Variants in ATG4C observed in about 807,000 individuals in gnomAD.
ATG4C encodes cysteine protease ATG4C.
In ATG4C, 56 loss-of-function variants were observed where a neutral mutation model predicts 57.6. That is an observed-to-expected ratio of 0.97 (90% CI 0.78 to 1.21). The LOEUF (loss-of-function observed/expected upper bound fraction) is 1.21, where lower values mean the gene tolerates loss of function less well. Ranked by LOEUF, ATG4C falls within the 50% of genes most tolerant of loss-of-function variation. The pLI, the probability that ATG4C is intolerant of heterozygous loss-of-function variation, is 0.00. For synonymous variants in ATG4C, 157 were observed against 174.1 expected (o/e 0.90, Z 0.78); for missense variants, 595 against 529.8 (o/e 1.12, Z -1.21).
At chr1:62,829,287 G>A (rs1360194293) in intron 7 of ATG4C, 111 bp downstream of exon 7, 8 of 1,224,966 alleles carry the variant, frequency 6.5e-6, no homozygotes, top group Middle Eastern at 2.3e-4. Flanking sequence ...GTAGTTGTAC[G>A]TTGTACGTTG....
rs79978322 is a variant in ATG4C at position 62,808,894 on chromosome 1, A to G, written c.160+3639A>G. 9.3e-3 allele frequency among the ~76,000 whole-genome samples: 1,424 copies of G among 152,320 alleles called. 14 individuals are homozygous for G. Among genetic ancestry groups the G allele is most frequent in the South Asian group, 0.039 (188 of 4,832 alleles). On this transcript the variant is annotated intron_variant, in intron 3 of 10. Coordinates refer to ENST00000317868, the MANE Select transcript of ATG4C (RefSeq NM_032852.4). ...TGCTAAAACTAAATTGCATTGTTTTATAGAATGAATGGTTATGATATTGGA... is the reference window on the plus strand; with the variant it reads ...TGCTAAAACTAAATTGCATTGTTTTGTAGAATGAATGGTTATGATATTGGA...
At chr1:62,863,448 A>C (rs1354865796) in intron 10 of ATG4C, among the ~76,000 whole-genome samples, 1 of 151,960 alleles carries the variant, frequency 6.6e-6, no homozygotes, top group East Asian at 1.9e-4. Context: ...CTGTTTTTGT[A>C]CACTTGATCT....
At chr1:62,819,733 A>G (rs1478482088) in intron 5 of ATG4C, among the ~76,000 whole-genome samples, 1 of 151,992 alleles carries the variant, frequency 6.6e-6, no homozygotes, top group Non-Finnish European at 1.5e-5. Context: ...AAGAGCTAAA[A>G]TTGATATTTT....
At chr1:62,790,519 A>G (rs1470954526) in intron 1 of ATG4C, among the ~76,000 whole-genome samples, 1 of 152,226 alleles carries the variant, frequency 6.6e-6, no homozygotes, top group Non-Finnish European at 1.5e-5. Context: ...TAGTCAAAAT[A>G]GGTGTTCAAA....
rs1223396944 is a variant in ATG4C, at chr1:62,850,363, A to G, written c.1209+8816A>G. Among the ~76,000 whole-genome samples the G allele has an allele frequency of 3.9e-5, 6 of 152,314 alleles. No individual in the cohort carries two copies. The East Asian group carries it at 1.2e-3, about 29-fold the overall frequency. ...AACTGATCTCCCTTGCTCTGTCTAC[A>G]GTCTAGAATCAACATAGCCGCCAGA... is the stretch of plus-strand genomic sequence containing the variant. On this transcript the variant is annotated intron_variant, in intron 10 of 10. Transcript: ENST00000317868.
rs1927485 is a variant in ATG4C at position 62,804,929 on chromosome 1, G to T, written c.77-243G>T. 0.15 allele frequency among the ~76,000 whole-genome samples: 22,416 copies of T among 151,980 alleles called. 1,754 individuals are homozygous for T. Among genetic ancestry groups the T allele is most frequent in the South Asian group, 0.2 (943 of 4,820 alleles). ...AAAATTAAAATTTTTTCTTTCTTAT[G>T]TCCTTTAATTGGATAGTTTTTAAAG... On this transcript the variant is annotated intron_variant, in intron 2 of 10. Coordinates refer to ENST00000317868, the MANE Select transcript of ATG4C (RefSeq NM_032852.4).
At chr1:62,824,178 AC>A (rs1665572612) in intron 6 of ATG4C, among the ~76,000 whole-genome samples, 1 of 152,200 alleles carries the variant, frequency 6.6e-6, no homozygotes, top group Non-Finnish European at 1.5e-5. Context: ...TTTGGGCTAG[AC>A]AGTGTTTGAA....
rs370925735 is a variant in ATG4C, at chr1:62,819,001, A to C, written c.395-4A>C. 1 of 1,531,984 alleles carries C rather than the reference A, an allele frequency of 6.5e-7. No homozygotes were observed. Among genetic ancestry groups the C allele is most frequent in the South Asian group, 1.3e-5 (1 of 75,808 alleles). 94.9% of individuals were successfully genotyped at this position (1,531,984 alleles called of 1,614,324 possible). A position where few individuals can be genotyped will look rare whatever the true frequency, so the allele number is the denominator to read the frequency against. ...CTGAACACTTTGCTTTGGAACTACTATAGCTTGGACCTGGCCTGATGCTTT... is the reference window on the plus strand; with the variant it reads ...CTGAACACTTTGCTTTGGAACTACTCTAGCTTGGACCTGGCCTGATGCTTT... On this transcript the variant is annotated splice_polypyrimidine_tract_variant and splice_region_variant and intron_variant, in intron 4 of 10. Transcript: ENST00000317868.
In ATG4C at chr1:62,803,710, T is replaced by G. The variant is rs1474542608; in HGVS notation, c.-68-9T>G. ...AGTAATTACTGATTTTTTTCCTTAA[T>G]TTTTAAAGTCAGTATAAAAGATTAA... On this transcript the variant is annotated splice_polypyrimidine_tract_variant and intron_variant, in intron 1 of 10. Coordinates refer to ENST00000317868, the MANE Select transcript of ATG4C (RefSeq NM_032852.4). 1 of 1,010,350 alleles carries G rather than the reference T, an allele frequency of 9.9e-7. No individual in the cohort carries two copies. Among genetic ancestry groups the G allele is most frequent in the East Asian group, 2.6e-5 (1 of 38,436 alleles). The allele number at this position is 1,010,350 out of a possible 1,614,324, so 62.6% of individuals were successfully genotyped here. A position where few individuals can be genotyped will look rare whatever the true frequency, so the allele number is the denominator to read the frequency against.
chr1:62,859,751 A>C (rs369860107), intron 10 of ATG4C, among the ~76,000 whole-genome samples: 1 of 151,810 alleles, frequency 6.6e-6, no homozygotes, highest in African/African-American at 2.4e-5. Flanking sequence ...GCTGGAGTGC[A>C]GTGGTGCAAT....
intron 2 of ATG4C, 101 bp downstream of exon 2, chr1:62,803,963 G>A (rs1435736147): frequency 3.2e-6 from 2 of 630,566 alleles, no homozygotes; most frequent in East Asian, 3.2e-5. Flanking sequence ...AGAATAAATG[G>A]CATACTTTAC....
chr1:62,819,216 T>C lies in ATG4C; in HGVS notation c.606T>C (p.Ser202=). ...RNEVYHRKII[S]WFGDSPLALF... ...AAGTTTATCATAGGAAAATCATCTCTTGGTTTGGTGATTCCCCCTTGGCTC... is the reference window on the plus strand; with the variant it reads ...AAGTTTATCATAGGAAAATCATCTCCTGGTTTGGTGATTCCCCCTTGGCTC... Residue 202 remains serine (S), a synonymous_variant, in exon 5 of 11, where the codon TCT becomes TCC. Coordinates refer to ENST00000317868, the MANE Select transcript of ATG4C (RefSeq NM_032852.4). 1 of 1,613,432 alleles carries C rather than the reference T, an allele frequency of 6.2e-7. No individual in the cohort carries two copies. Among genetic ancestry groups the C allele is most frequent in the Non-Finnish European group, 8.5e-7 (1 of 1,179,608 alleles).
chr1:62,824,092 A>G (rs1300429688), intron 6 of ATG4C, among the ~76,000 whole-genome samples: 2 of 152,172 alleles, frequency 1.3e-5, no homozygotes, highest in Non-Finnish European at 2.9e-5. Flanking sequence ...CGCTGCTGTA[A>G]TGAGCCTCTG....
At chr1:62,839,716 A>G (rs1309989828) in intron 9 of ATG4C, among the ~76,000 whole-genome samples, 1 of 152,176 alleles carries the variant, frequency 6.6e-6, no homozygotes, top group Non-Finnish European at 1.5e-5. Context: ...ATGTTAGAAA[A>G]AGTCCAACTA....
chr1:62,858,127 G>A (rs540214779), intron 10 of ATG4C, among the ~76,000 whole-genome samples: 104 of 152,284 alleles, frequency 6.8e-4, no homozygotes, highest in African/African-American at 2.3e-3. Context: ...GCAATGTCAG[G>A]CTGGTGAAAA....
chr1:62,821,035 G>T, intron 5 of ATG4C, 104 bp from the exon 6 acceptor site: 1 of 785,612 alleles, frequency 1.3e-6, no homozygotes, highest in Non-Finnish European at 2.0e-6. Context: ...GAGTTAAATA[G>T]GAAAGTCACA....
In ATG4C at chr1:62,864,119, A is replaced by T. The variant is rs1487757238; in HGVS notation, c.1337A>T (p.Gln446Leu). ...EDLFSEDEKK[Q>L]LKRFSTEEFV... ...CTTTTTTCAGAGGATGAAAAGAAAC[A>T]ATTAAAAAGATTTAGCACGGAAGAG... Residue 446 changes from glutamine to leucine, a missense_variant, in exon 11 of 11, where the codon CAA (glutamine) becomes CTA (leucine). Transcript: ENST00000317868. 6.2e-7 allele frequency: 1 copy of T among 1,607,790 alleles called. No homozygotes were observed. Among genetic ancestry groups the T allele is most frequent in the Non-Finnish European group, 8.5e-7 (1 of 1,177,822 alleles).
At chr1:62,838,108 A>G (rs1666052311) in intron 9 of ATG4C, among the ~76,000 whole-genome samples, 1 of 152,236 alleles carries the variant, frequency 6.6e-6, no homozygotes, top group Admixed American at 6.5e-5. Flanking sequence ...ACTATTCTAA[A>G]CAATAAGCCT....
chr1:62,785,031 C>G (rs1325882610), intron 1 of ATG4C, among the ~76,000 whole-genome samples: 1 of 152,198 alleles, frequency 6.6e-6, no homozygotes, highest in Non-Finnish European at 1.5e-5. Context: ...CACTGCTACC[C>G]TATAGTTACA....
Sources: gnomAD v4.1 joint callset for allele counts (sites outside exome capture counted in the v4.1 genomes callset) on GRCh38, gnomAD v4.1.1 for gene constraint, MANE v1.5 for transcripts, NCBI Gene and HGNC (gene_info 2026-07-23, HGNC 2026-07-21) for gene names.